The following HPSE2 variants were observed in gnomAD, a reference collection of about 807,000 sequenced individuals.
The protein encoded by HPSE2 is heparanase 2 (inactive).
In HPSE2, 38 loss-of-function variants were observed where a neutral mutation model predicts 60.5. The observed-to-expected ratio is 0.63, with a 90% CI of 0.48 to 0.82. HPSE2 has a LOEUF of 0.82. HPSE2 is among the 40% of genes least tolerant of loss of function. HPSE2 has a pLI of 0.00. For synonymous variants in HPSE2, 295 were observed against 293.2 expected (o/e 1.01, Z -0.06); for missense variants, 713 against 740.4 (o/e 0.96, Z 0.43).
At chr10:99,116,224 A>G (rs1164171134) in intron 3 of HPSE2, among the ~76,000 whole-genome samples, 2 of 151,964 alleles carry the variant, frequency 1.3e-5, no homozygotes, top group Non-Finnish European at 2.9e-5. Flanking sequence ...TCTAGATTCA[A>G]ACTCTAACAG....
chr10:98,633,646 T>C (rs1946422855), intron 7 of HPSE2, among the ~76,000 whole-genome samples: 1 of 152,214 alleles, frequency 6.6e-6, no homozygotes, highest in Admixed American at 6.5e-5. Context: ...TTCTGTTATG[T>C]TATCAGTAAG....
intron 2 of HPSE2, among the ~76,000 whole-genome samples, chr10:99,197,411 G>T (rs78275353): frequency 6.6e-6 from 1 of 152,050 alleles, no homozygotes; most frequent in African/African-American, 2.4e-5. Flanking sequence ...TGAGGGGATG[G>T]ATACCCCATT....
chr10:99,101,241 C>A (rs1843967561), intron 3 of HPSE2, among the ~76,000 whole-genome samples: 1 of 152,074 alleles, frequency 6.6e-6, no homozygotes, highest in Admixed American at 6.5e-5. Context: ...ATTCAGGAAA[C>A]CCATCTCACA....
At chr10:98,562,454 T>C (rs10883132) in intron 9 of HPSE2, among the ~76,000 whole-genome samples, 68,424 of 152,008 alleles carry the variant, frequency 0.45, 18,562 homozygotes, top group Middle Eastern at 0.59. Context: ...CGGTGGCTCA[T>C]GCCTGTAATC....
intron 2 of HPSE2, among the ~76,000 whole-genome samples, chr10:99,220,152 G>A (rs1159909859): frequency 6.6e-6 from 1 of 152,074 alleles, no homozygotes; most frequent in African/African-American, 2.4e-5. Context: ...CTTACCCAAA[G>A]AATGTACTAT....
chr10:98,540,037 C>T (rs1943410937), intron 9 of HPSE2, among the ~76,000 whole-genome samples: 1 of 152,236 alleles, frequency 6.6e-6, no homozygotes. Context: ...GCCACTTACA[C>T]ATTCTGGGTC....
chr10:99,113,088 T>C (rs1844537148), intron 3 of HPSE2, among the ~76,000 whole-genome samples: 1 of 152,200 alleles, frequency 6.6e-6, no homozygotes, highest in South Asian at 2.1e-4. Context: ...AGCTTATTTA[T>C]GGAAGTTTTT....
the HPSE2 span, among the ~76,000 whole-genome samples, chr10:99,291,713 G>A: frequency 2.0e-5 from 3 of 151,870 alleles, no homozygotes; most frequent in East Asian, 1.9e-4. Context: ...AGAGATTTTC[G>A]AAAACTACAT....
chr10:98,720,987 G>C (rs909350737), intron 5 of HPSE2, among the ~76,000 whole-genome samples: 1 of 152,142 alleles, frequency 6.6e-6, no homozygotes, highest in Non-Finnish European at 1.5e-5. Context: ...GTTAGTTCAA[G>C]TTGCTGGGGA....
chr10:99,175,428 T>C (rs1363363568), intron 2 of HPSE2, among the ~76,000 whole-genome samples: 1 of 152,180 alleles, frequency 6.6e-6, no homozygotes, highest in Non-Finnish European at 1.5e-5. Flanking sequence ...AGCTCGACCT[T>C]GTTGGGAGAG....
At position 98,768,161 on chromosome 10, in the gene HPSE2, C is replaced by A. The variant is rs144253251; in HGVS notation, c.611-24105G>T. 2.7e-3 allele frequency among the ~76,000 whole-genome samples: 403 copies of A among 152,058 alleles called. 7 individuals carry two copies. The highest frequency in any genetic ancestry group is 9.2e-3 in the African/African-American group (380 of 41,510). ...TTCTAAAATATTGGAAGCAAATAGT[C>A]CTTGTGTAAAGATTTATCAGTCTTA... On this transcript the variant is annotated intron_variant, in intron 3 of 11. Transcript: ENST00000370552.
At chr10:99,077,303 C>A (rs1005069472) in intron 3 of HPSE2, among the ~76,000 whole-genome samples, 6 of 152,146 alleles carry the variant, frequency 3.9e-5, no homozygotes, top group African/African-American at 1.4e-4. Context: ...AAGCTTTCTT[C>A]CCCCTTTCTC....
the HPSE2 span, among the ~76,000 whole-genome samples, chr10:99,265,504 G>C: frequency 6.6e-6 from 1 of 152,148 alleles, no homozygotes; most frequent in African/African-American, 2.4e-5. Context: ...CTAGGTGACG[G>C]GATGATCAGT....
chr10:99,100,038 G>A (rs1843888142), intron 3 of HPSE2, among the ~76,000 whole-genome samples: 1 of 152,070 alleles, frequency 6.6e-6, no homozygotes, highest in Non-Finnish European at 1.5e-5. Context: ...CACAAAGATG[G>A]GGAAAAAACA....
intron 9 of HPSE2, among the ~76,000 whole-genome samples, chr10:98,571,293 C>A (rs1944485929): frequency 6.6e-6 from 1 of 152,064 alleles, no homozygotes; most frequent in Non-Finnish European, 1.5e-5. Flanking sequence ...CGCTTGAGGT[C>A]AGGAGTTTAA....
intron 9 of HPSE2, among the ~76,000 whole-genome samples, chr10:98,563,577 T>C (rs1305835854): frequency 6.6e-6 from 1 of 152,164 alleles, no homozygotes; most frequent in Non-Finnish European, 1.5e-5. Flanking sequence ...ATATGTCAAA[T>C]AAAGCCATTA....
chr10:98,966,991 C>T (rs1208311384), intron 3 of HPSE2, among the ~76,000 whole-genome samples: 2 of 152,100 alleles, frequency 1.3e-5, no homozygotes, highest in East Asian at 3.9e-4. Context: ...AAAGTTAGGG[C>T]TTTATGTTAT....
intron 5 of HPSE2, among the ~76,000 whole-genome samples, chr10:98,720,651 A>G (rs1210034566): frequency 6.6e-6 from 1 of 152,194 alleles, no homozygotes; most frequent in Non-Finnish European, 1.5e-5. Flanking sequence ...CAAAAGAAAT[A>G]AATAACCGAT....
the HPSE2 span, among the ~76,000 whole-genome samples, chr10:99,261,133 A>G: frequency 3.3e-5 from 5 of 152,038 alleles, no homozygotes; most frequent in South Asian, 2.1e-4. Context: ...TCTGCTCCCA[A>G]TGCAATTCAT....
Sources: gnomAD v4.1 joint callset for allele counts (sites outside exome capture counted in the v4.1 genomes callset) on GRCh38, gnomAD v4.1.1 for gene constraint, MANE v1.5 for transcripts, NCBI Gene and HGNC (gene_info 2026-07-23, HGNC 2026-07-21) for gene names.